The following MTUS2 variants were observed in gnomAD, a reference collection of about 807,000 sequenced individuals.
MTUS2 encodes the protein microtubule associated scaffold protein 2.
MTUS2 carries 40 observed loss-of-function variants against 114.1 expected under a neutral mutation model. The ratio of observed to expected loss-of-function variants is 0.35; its 90% confidence interval spans 0.27 to 0.46. The LOEUF (loss-of-function observed/expected upper bound fraction) is 0.46, where lower values mean the gene tolerates loss of function less well. Ranked by LOEUF, MTUS2 falls within the 20% of genes least tolerant of loss-of-function variation. The pLI is 1.00. For synonymous variants in MTUS2, 688 were observed against 672.0 expected, an observed-to-expected ratio of 1.02 and a Z score of -0.37; for missense variants, 1,679 against 1,705.4, an observed-to-expected ratio of 0.98 and a Z score of 0.27.
intron 2 of MTUS2, among the ~76,000 whole-genome samples, chr13:28,842,836 T>A (rs1316396034): frequency 6.6e-6 from 1 of 152,192 alleles, no homozygotes. Context: ...CAGATGCTAG[T>A]AGCAGCCACA....
At chr13:29,086,800 G>A (rs1037281220) in intron 4 of MTUS2, among the ~76,000 whole-genome samples, 1 of 152,060 alleles carries the variant, frequency 6.6e-6, no homozygotes, top group South Asian at 2.1e-4. Context: ...ATTTCTTTCA[G>A]CAATGTTTTG....
chr13:29,200,645 C>T (rs1033815536), intron 5 of MTUS2, among the ~76,000 whole-genome samples: 2 of 149,512 alleles, frequency 1.3e-5, no homozygotes, highest in African/African-American at 4.9e-5. Flanking sequence ...CTTAGCCTCC[C>T]AAGTAGTGGG....
rs1893490813 is a variant in MTUS2 at position 29,170,116 on chromosome 13, A to AAGTGTGAGAGG, written c.2644+69147_2644+69148insGTGTGAGAGGA. ...GACATGAGAACCATGGTGGAGGGAC[A>AAGTGTGAGAGG]AAGACCCTTGGGAAGGAGGATACTC... On this transcript the variant is annotated intron_variant, in intron 5 of 15. Coordinates refer to ENST00000612955, the MANE Select transcript of MTUS2 (RefSeq NM_001033602.4). Among the ~76,000 whole-genome samples the AAGTGTGAGAGG allele has an allele frequency of 2.8e-5, 4 of 142,906 alleles. No homozygotes were observed. In the Admixed American group the frequency reaches 2.8e-4, roughly 10 times the overall value. The allele number at this position is 142,906 out of a possible 152,430, so 93.8% of individuals were successfully genotyped here.
chr13:29,469,022 A>AC (rs1440340231), intron 9 of MTUS2, among the ~76,000 whole-genome samples: 2 of 152,172 alleles, frequency 1.3e-5, no homozygotes, highest in Non-Finnish European at 2.9e-5. Flanking sequence ...CTGCATCATC[A>AC]CAATACCCAT....
intron 5 of MTUS2, among the ~76,000 whole-genome samples, chr13:29,135,114 C>T (rs760110484): frequency 6.4e-4 from 97 of 152,186 alleles, no homozygotes; most frequent in Non-Finnish European, 9.3e-4. Context: ...CACTTTGTTC[C>T]ACCCACGTCA....
chr13:29,381,150 G>T (rs1288245796), intron 8 of MTUS2, among the ~76,000 whole-genome samples: 1 of 152,188 alleles, frequency 6.6e-6, no homozygotes, highest in Non-Finnish European at 1.5e-5. Context: ...GCTCTCAGGG[G>T]CATGTATCTG....
At chr13:29,127,386 A>G (rs577109262) in intron 5 of MTUS2, among the ~76,000 whole-genome samples, 1 of 152,328 alleles carries the variant, frequency 6.6e-6, no homozygotes, top group East Asian at 1.9e-4. Flanking sequence ...CCATGGAGGT[A>G]TGTTGTAGAT....
chr13:29,197,910 C>A (rs1013927176), intron 5 of MTUS2, among the ~76,000 whole-genome samples: 2 of 152,014 alleles, frequency 1.3e-5, no homozygotes, highest in African/African-American at 4.8e-5. Context: ...GGGTTTGTTT[C>A]TTGTAAATTT....
intron 2 of MTUS2, among the ~76,000 whole-genome samples, chr13:28,987,932 C>A (rs1884662109): frequency 6.6e-6 from 1 of 152,120 alleles, no homozygotes; most frequent in Non-Finnish European, 1.5e-5. Context: ...TTTGTGACTT[C>A]TGGGCTAGGG....
At chr13:29,433,311 G>GTT (rs1877149450) in intron 8 of MTUS2, among the ~76,000 whole-genome samples, 1 of 152,106 alleles carries the variant, frequency 6.6e-6, no homozygotes, top group Non-Finnish European at 1.5e-5. Context: ...GACTTTGCTC[G>GTT]TTTTTCATAC....
At chr13:29,425,242 C>T (rs1876422420) in intron 8 of MTUS2, among the ~76,000 whole-genome samples, 2 of 152,060 alleles carry the variant, frequency 1.3e-5, no homozygotes, top group African/African-American at 4.8e-5. Context: ...GGTGAAACCC[C>T]ATCTCTACTA....
rs184211445 is a variant in MTUS2 at position 28,847,833 on chromosome 13, C to G, written c.-243+7983C>G. 2.0e-5 allele frequency among the ~76,000 whole-genome samples: 3 copies of G among 152,150 alleles called. No individual in the cohort carries two copies. The East Asian group carries it at 5.8e-4, about 29-fold the overall frequency. ...ACTTCCTGATGCTGGATGGACCTCA[C>G]ATAGATGCAGCCTCTGGGCGCCAAC... is the stretch of plus-strand genomic sequence containing the variant. On this transcript the variant is annotated intron_variant, in intron 2 of 15. Transcript: ENST00000612955.
chr13:29,375,618 T>G (rs1593368126), intron 8 of MTUS2, among the ~76,000 whole-genome samples: 1 of 10,806 alleles, frequency 9.3e-5, no homozygotes. Flanking sequence ...CGTATATATA[T>G]ATATATATAT....
chr13:28,823,702 A>G lies in MTUS2; in HGVS notation c.-316+3091A>G, dbSNP rs369246912. ...CCAACGGATTTGAAAACACTGTAGC[A>G]TGGTGTATTAGCCTGTTCTCACCTT... is the stretch of plus-strand genomic sequence containing the variant. On this transcript the variant is annotated intron_variant, in intron 1 of 15. Transcript: ENST00000612955. 5.9e-5 allele frequency among the ~76,000 whole-genome samples: 9 copies of G among 152,224 alleles called. No homozygotes were observed. In the East Asian group the frequency reaches 9.6e-4, roughly 16 times the overall value.
intron 6 of MTUS2, among the ~76,000 whole-genome samples, chr13:29,298,310 AGGAAAAACATTCCCT>A (rs1899037494): frequency 6.6e-6 from 1 of 152,212 alleles, no homozygotes; most frequent in Non-Finnish European, 1.5e-5. Context: ...TCTCTACCTA[AGGAAAAACATTCCCT>A]GGGAATAGGC....
intron 5 of MTUS2, among the ~76,000 whole-genome samples, chr13:29,185,645 G>T (rs1894193025): frequency 6.6e-6 from 1 of 152,084 alleles, no homozygotes; most frequent in Admixed American, 6.6e-5. Flanking sequence ...TATTCAAAGT[G>T]CTCAAAGAAT....
intron 2 of MTUS2, among the ~76,000 whole-genome samples, chr13:28,995,250 A>G (rs1391540550): frequency 7.2e-5 from 11 of 152,144 alleles, no homozygotes; most frequent in African/African-American, 2.7e-4. Context: ...GTTCTGTTCC[A>G]TTGATCTATA....
intron 5 of MTUS2, among the ~76,000 whole-genome samples, chr13:29,106,910 C>T (rs1296455350): frequency 6.6e-6 from 1 of 152,062 alleles, no homozygotes; most frequent in Non-Finnish European, 1.5e-5. Flanking sequence ...TCCCACCTTC[C>T]CTGCATACCA....
rs143698308 is a variant in MTUS2 at position 28,828,068 on chromosome 13, C to T, written c.-316+7457C>T. Among the ~76,000 whole-genome samples, 127 of 152,224 alleles carry T rather than the reference C, an allele frequency of 8.3e-4. 1 individual carries two copies. The highest frequency in any genetic ancestry group is 6.2e-3 in the East Asian group (32 of 5,188). Reference sequence around the variant, plus strand: ...TACGGGAGACTGGGGCTTATTTCACCGCTTATCCACAACCGTAAAAGACAG... The same window carrying T: ...TACGGGAGACTGGGGCTTATTTCACTGCTTATCCACAACCGTAAAAGACAG... On this transcript the variant is annotated intron_variant, in intron 1 of 15. Transcript: ENST00000612955.
Sources: gnomAD v4.1 joint callset for allele counts (sites outside exome capture counted in the v4.1 genomes callset) on GRCh38, gnomAD v4.1.1 for gene constraint, MANE v1.5 for transcripts, NCBI Gene and HGNC (gene_info 2026-07-23, HGNC 2026-07-21) for gene names.